The following DNAH11 variants were observed in gnomAD, a reference collection of about 807,000 sequenced individuals.
DNAH11 encodes the protein dynein axonemal heavy chain 11.
In DNAH11, 442 loss-of-function variants were observed where a neutral mutation model predicts 526.0. The ratio of observed to expected loss-of-function variants is 0.84; its 90% CI spans 0.78 to 0.91. The LOEUF (loss-of-function observed/expected upper bound fraction) is 0.91, where lower values mean the gene tolerates loss of function less well. Ranked by LOEUF, DNAH11 falls within the 40% of genes least tolerant of loss-of-function variation. The probability of loss-of-function intolerance (pLI) is 0.00; values close to 1 mark genes in which losing one functional copy is unlikely to be tolerated. For missense variants in DNAH11, 6,989 were observed against 5,448.7 expected, an observed-to-expected ratio of 1.28 and a Z score of -8.90; for synonymous variants, 2,461 against 1,935.9, an observed-to-expected ratio of 1.27 and a Z score of -7.12.
In DNAH11 at chr7:21,784,465, A is replaced by C; in HGVS notation, c.9522A>C (p.Arg3174Ser). The change falls in exon 58 of 82, where the codon AGA becomes AGC. Residue 3174 changes from arginine to serine, a missense_variant. Physicochemically the swap from Arg to Ser is moderately radical, Grantham distance 110. Transcript: ENST00000409508. ...AGACTGAAGTGTTCCAGAAACAGAG[A>C]GAATGTGAAGCTGACTTACTCAAGG... ...AIQTEVFQKQ[R>S]ECEADLLKAE... 6.2e-7 allele frequency: 1 copy of C among 1,613,574 alleles called. No homozygotes were observed. Among genetic ancestry groups the C allele is most frequent in the Non-Finnish European group, 8.5e-7 (1 of 1,179,716 alleles).
chr7:21,543,566 C>G lies in DNAH11; in HGVS notation c.321C>G (p.Ala107=). Residue 107 remains alanine, a synonymous_variant, in exon 1 of 82, where the codon GCC becomes GCG. Transcript: ENST00000409508. ...CGGCTTGCCTTGTGTTTAGCTTCGC[C>G]GCCTCGGGGCGCCTTGCGGCTTCCC... is the stretch of plus-strand genomic sequence containing the variant. ...TSPACLVFSF[A]ASGRLAASQE... is the part of the protein sequence containing the mutation. The G allele has an allele frequency of 1.2e-6, 2 of 1,601,574 alleles. No homozygotes were observed. Among genetic ancestry groups the G allele is most frequent in the Non-Finnish European group, 1.7e-6 (2 of 1,173,878 alleles).
At chr7:21,691,116 C>T (rs957107841) in intron 35 of DNAH11, among the ~76,000 whole-genome samples, 2 of 151,808 alleles carry the variant, frequency 1.3e-5, no homozygotes, top group African/African-American at 4.8e-5. Flanking sequence ...TGCATATTTA[C>T]TGTTAGCTAT....
At chr7:21,777,678 C>T (rs1288585770) in intron 56 of DNAH11, among the ~76,000 whole-genome samples, 1 of 152,076 alleles carries the variant, frequency 6.6e-6, no homozygotes, top group Admixed American at 6.6e-5. Flanking sequence ...TTGACTATGG[C>T]CTAATCTAAT....
intron 63 of DNAH11, among the ~76,000 whole-genome samples, chr7:21,810,468 T>G (rs1789466999): frequency 6.6e-6 from 1 of 152,186 alleles, no homozygotes; most frequent in Non-Finnish European, 1.5e-5. Context: ...TCTCCGTTAC[T>G]TTAGGGAAGT....
At chr7:21,814,150 T>G (rs577656927) in intron 63 of DNAH11, among the ~76,000 whole-genome samples, 5 of 152,058 alleles carry the variant, frequency 3.3e-5, no homozygotes, top group Non-Finnish European at 7.4e-5. Flanking sequence ...AGAAAAGATA[T>G]ACAAAAAATA....
chr7:21,836,326 C>T (rs141465978), intron 65 of DNAH11, among the ~76,000 whole-genome samples: 2,520 of 152,142 alleles, frequency 0.017, 64 homozygotes, highest in African/African-American at 0.057. Context: ...AAGCTAGAGG[C>T]ATCACACTAC....
chr7:21,707,878 C>A, intron 40 of DNAH11, 43 bp downstream of exon 40: 1 of 1,520,562 alleles, frequency 6.6e-7, no homozygotes, highest in Non-Finnish European at 8.8e-7. Flanking sequence ...TTTTTTCTAT[C>A]CAGAAAGCCG....
intron 36 of DNAH11, among the ~76,000 whole-genome samples, chr7:21,700,933 G>A (rs550218841): frequency 6.6e-6 from 1 of 152,134 alleles, no homozygotes; most frequent in Admixed American, 6.5e-5. Context: ...CACAAGGAGG[G>A]GAACATCACA....
In DNAH11 at chr7:21,615,280, G is replaced by A. The variant is rs1327036875; in HGVS notation, c.4011+8G>A. 1.2e-6 allele frequency: 2 copies of A among 1,607,408 alleles called. No individual in the cohort carries two copies. Among genetic ancestry groups the A allele is most frequent in the Non-Finnish European group, 1.7e-6 (2 of 1,176,668 alleles). Reference sequence around the variant, plus strand: ...GTCATTATTTATGTTCGAGTAAGATGTGCTTTTTCAAAACATGCTTTTTAT... The same window carrying A: ...GTCATTATTTATGTTCGAGTAAGATATGCTTTTTCAAAACATGCTTTTTAT... On this transcript the variant is annotated splice_region_variant and intron_variant, in intron 21 of 81. Coordinates refer to ENST00000409508, the MANE Select transcript of DNAH11 (RefSeq NM_001277115.2).
rs1562487422 is a variant in DNAH11, at chr7:21,681,526, T to TA, written c.5329-14dup. 1.9e-6 allele frequency: 3 copies of TA among 1,610,310 alleles called. No individual in the cohort carries two copies. The highest frequency in any genetic ancestry group is 2.2e-5 in the East Asian group (1 of 44,830). On this transcript the variant is annotated intron_variant, in intron 30 of 81. Coordinates refer to ENST00000409508, the MANE Select transcript of DNAH11 (RefSeq NM_001277115.2). ...GTATTTGTAACCCTTCTCTCCTTTT[T>TA]AAAAAATGATTCCTTCTAGATTTCT... is the stretch of plus-strand genomic sequence containing the variant.
intron 65 of DNAH11, among the ~76,000 whole-genome samples, chr7:21,823,967 G>T (rs1002167825): frequency 6.6e-5 from 10 of 152,128 alleles, no homozygotes; most frequent in Non-Finnish European, 1.5e-4. Flanking sequence ...AACAAGCCTA[G>T]AGCCTGTTCA....
intron 43 of DNAH11, among the ~76,000 whole-genome samples, chr7:21,719,536 A>G (rs1323161967): frequency 6.6e-6 from 1 of 152,200 alleles, no homozygotes; most frequent in South Asian, 2.1e-4. Flanking sequence ...GTGCCTTAGA[A>G]CAACATGGCT....
chr7:21,582,713 A>C (rs1402567263), intron 9 of DNAH11, among the ~76,000 whole-genome samples: 4 of 152,184 alleles, frequency 2.6e-5, no homozygotes, highest in African/African-American at 9.6e-5. Context: ...CAAAGAAAAA[A>C]ATCACAAATC....
chr7:21,558,680 G>C, intron 2 of DNAH11, 122 bp from the exon 3 acceptor site: 1 of 673,010 alleles, frequency 1.5e-6, no homozygotes, highest in Non-Finnish European at 2.4e-6. Flanking sequence ...TCTCTTTGTA[G>C]ATTTGATATC....
intron 60 of DNAH11, among the ~76,000 whole-genome samples, chr7:21,787,976 A>T (rs1231484406): frequency 1.3e-5 from 2 of 152,224 alleles, no homozygotes; most frequent in African/African-American, 4.8e-5. Flanking sequence ...TGTATTGTTG[A>T]CATAGTGAGA....
chr7:21,900,399 A>C (rs1341015954), intron 81 of DNAH11, among the ~76,000 whole-genome samples: 3 of 152,330 alleles, frequency 2.0e-5, no homozygotes, highest in Middle Eastern at 6.8e-3. Flanking sequence ...CTGAATTTAC[A>C]TTCTTTTTGC....
chr7:21,689,135 T>G (rs1317335114), intron 34 of DNAH11, among the ~76,000 whole-genome samples: 1 of 152,224 alleles, frequency 6.6e-6, no homozygotes, highest in Admixed American at 6.5e-5. Context: ...GGTGTCTGTT[T>G]CCTGACCTGT....
At position 21,591,322 on chromosome 7, in the gene DNAH11, A is replaced by T; in HGVS notation, c.2412A>T (p.Thr804=). The T allele has an allele frequency of 1.2e-6, 2 of 1,613,976 alleles. No individual in the cohort carries two copies. Among genetic ancestry groups the T allele is most frequent in the Non-Finnish European group, 1.7e-6 (2 of 1,179,874 alleles). ...EQLTAATTWL[T]WQDDCWGYIE... is the part of the protein sequence containing the mutation. Reference sequence around the variant, plus strand: ...TGACAGCAGCCACAACGTGGCTGACATGGCAGGATGACTGCTGGGGCTACA... The same window carrying T: ...TGACAGCAGCCACAACGTGGCTGACTTGGCAGGATGACTGCTGGGGCTACA... Residue 804 remains threonine, a synonymous_variant, in exon 14 of 82, where the codon ACA becomes ACT. Transcript: ENST00000409508.
chr7:21,564,319 G>C lies in DNAH11; in HGVS notation c.1116G>C (p.Trp372Cys), dbSNP rs372700740. The C allele has an allele frequency of 2.5e-5, 40 of 1,613,560 alleles. No homozygotes were observed. The African/African-American group carries it at 4.9e-4, about 20-fold the overall frequency. The change falls in exon 6 of 82, where the codon TGG becomes TGC. Residue 372 changes from tryptophan to cysteine, a missense_variant. Coordinates refer to ENST00000409508, the MANE Select transcript of DNAH11 (RefSeq NM_001277115.2). ...TATTTCATACCATCTGTCTGATCTG[G>C]AGTCATTCCAAGTTTTATAACACCC... is the stretch of plus-strand genomic sequence containing the variant. ...APLFHTICLI[W>C]SHSKFYNTPA...
Sources: allele counts gnomAD v4.1 joint callset (sites outside exome capture counted in the v4.1 genomes callset), GRCh38; gene constraint gnomAD v4.1.1; transcripts MANE v1.5; gene names NCBI Gene and HGNC (gene_info 2026-07-23, HGNC 2026-07-21).